Variants in GPR4 observed in about 807,000 individuals in gnomAD.
The protein encoded by GPR4 is G protein-coupled receptor 4, also known as G-prodeshotein coupled receptor 4.
In GPR4, 11 loss-of-function variants were observed where a neutral mutation model predicts 17.8. The ratio of observed to expected loss-of-function variants is 0.62; its 90% CI spans 0.39 to 1.02. The LOEUF (loss-of-function observed/expected upper bound fraction) is 1.02. Among genes scored for constraint, GPR4 ranks in the 50% least tolerant of loss-of-function variants. The pLI, the probability that GPR4 is intolerant of heterozygous loss-of-function variation, is 0.00. For synonymous variants in GPR4, 219 were observed against 222.8 expected (o/e 0.98, Z 0.15); for missense variants, 364 against 495.4 (o/e 0.73, Z 2.52).
At chr19:45,594,947 C>T (rs191518383) in intron 1 of GPR4, among the ~76,000 whole-genome samples, 115 of 151,846 alleles carry the variant, frequency 7.6e-4, no homozygotes, top group African/African-American at 2.5e-3. Context: ...AGCATCACTG[C>T]ACTCCAGCCT....
In GPR4 at chr19:45,591,710, C is replaced by T; in HGVS notation, c.157G>A (p.Gly53Ser). 6.2e-7 allele frequency: 1 copy of T among 1,614,096 alleles called. No individual in the cohort carries two copies. The highest frequency in any genetic ancestry group is 2.2e-5 in the East Asian group (1 of 44,890). ...ATGCTGAGGTTCATCAGGTAGACGC[C>T]CAGCTCGTTGCGCTGTTGCACCTGG... ...YRQVQQRNELGVYLMNLSIAD... is the reference protein window; with the variant it reads ...YRQVQQRNELSVYLMNLSIAD... Residue 53 changes from glycine to serine, a missense_variant, in exon 2 of 2, where the codon GGC (glycine) becomes AGC (serine). Physicochemically the swap from Gly to Ser is moderately conservative, Grantham distance 56. Transcript: ENST00000323040. This position sits in a 1 kb window ranked among gnomAD's most constrained non-coding sequence, Gnocchi z 7.6.
intron 1 of GPR4, among the ~76,000 whole-genome samples, chr19:45,598,597 C>T (rs1036540467): frequency 6.6e-6 from 1 of 152,122 alleles, no homozygotes; most frequent in Non-Finnish European, 1.5e-5. Context: ...TTCTTCCCCA[C>T]GTGAGATCTG....
At position 45,589,897 on chromosome 19, in the gene GPR4, T is replaced by C. The variant is rs75141079; in HGVS notation, c.*881A>G. The C allele has an allele frequency of 0.032, 4,821 of 152,482 alleles. 139 individuals are homozygous for C. Among genetic ancestry groups the C allele is most frequent in the African/African-American group, 0.074 (3,075 of 41,560 alleles). 9.4% of individuals were successfully genotyped at this position (152,482 alleles called of 1,614,324 possible). On this transcript the variant is annotated 3_prime_UTR_variant, in exon 2 of 2. Transcript: ENST00000323040. ...CACAGTGCCCTACATAAACCTCTGT[T>C]GAATGAATGAATAAATACCCTTTCT...
chr19:45,591,245 C>A lies in GPR4; in HGVS notation c.622G>T (p.Val208Leu), dbSNP rs1233334346. 6.2e-6 allele frequency: 10 copies of A among 1,613,158 alleles called. No individual in the cohort carries two copies. Among genetic ancestry groups the A allele is most frequent in the Non-Finnish European group, 8.5e-6 (10 of 1,179,968 alleles). The change falls in exon 2 of 2, where the codon GTG (valine) becomes TTG (leucine). Residue 208 changes from valine to leucine, a missense_variant. Around this residue, in one of 3 missense-constraint regions of GPR4, gnomAD observed 271 missense variants for 373.1 expected, o/e 0.73. Transcript: ENST00000323040. This position sits in a 1 kb window ranked among gnomAD's most constrained non-coding sequence, Gnocchi z 7.6. The stretch of plus-strand genomic sequence containing the variant: ...CGCTCGGTGGACACGCTGCCCCGCA[C>A]GGCCCGCAGGATGCCCCGGTACGAC... Reference protein sequence around the residue: ...LLSYRGILRAVRGSVSTERQE... With the variant: ...LLSYRGILRALRGSVSTERQE...
chr19:45,595,471 G>A (rs1329311780), intron 1 of GPR4, among the ~76,000 whole-genome samples: 1 of 151,938 alleles, frequency 6.6e-6, no homozygotes, highest in Non-Finnish European at 1.5e-5. Flanking sequence ...TGGGGTTAGC[G>A]CCAGCAGTCT....
At chr19:45,599,011 G>T (rs916032713) in intron 1 of GPR4, among the ~76,000 whole-genome samples, 2 of 152,130 alleles carry the variant, frequency 1.3e-5, no homozygotes, top group African/African-American at 4.8e-5. Flanking sequence ...TCTCTGGTTG[G>T]GATCTAAGTT....
intron 1 of GPR4, among the ~76,000 whole-genome samples, chr19:45,595,554 C>G (rs1394752970): frequency 6.6e-6 from 1 of 152,114 alleles, no homozygotes; most frequent in African/African-American, 2.4e-5. Context: ...GAACCTTGAG[C>G]CTGTCACCCA....
rs776163707 is a variant in GPR4, at chr19:45,591,225, G to A, written c.642C>T (p.Thr214=). ...ILRAVRGSVS[T]ERQEKAKIKR... is the part of the protein sequence containing the mutation. Reference sequence around the variant, plus strand: ...TGATCTTGGCCTTCTCCTGGCGCTCGGTGGACACGCTGCCCCGCACGGCCC... The same window carrying A: ...TGATCTTGGCCTTCTCCTGGCGCTCAGTGGACACGCTGCCCCGCACGGCCC... Residue 214 remains threonine, a synonymous_variant, in exon 2 of 2, where the codon ACC becomes ACT. Transcript: ENST00000323040. This position sits in a 1 kb window ranked among gnomAD's most constrained non-coding sequence, Gnocchi z 7.6. 1.2e-6 allele frequency: 2 copies of A among 1,613,432 alleles called. No individual in the cohort carries two copies. The highest frequency in any genetic ancestry group is 1.7e-5 in the Admixed American group (1 of 60,014).
In GPR4 at chr19:45,592,157, T is replaced by A; in HGVS notation, c.-291A>T. 5.6e-6 allele frequency: 2 copies of A among 356,386 alleles called. No homozygotes were observed. The highest frequency in any genetic ancestry group is 1.1e-5 in the Non-Finnish European group (2 of 186,302). 22.1% of individuals were successfully genotyped at this position (356,386 alleles called of 1,614,324 possible). ...AAGGAGGTTATGTATGGAGTCAGTG[T>A]GTCAACGAGGGAGTATGGGGGTGAC... On this transcript the variant is annotated 5_prime_UTR_variant, in exon 2 of 2. Transcript: ENST00000323040.
chr19:45,596,298 C>T (rs1353170192), intron 1 of GPR4, among the ~76,000 whole-genome samples: 4 of 151,672 alleles, frequency 2.6e-5, no homozygotes, highest in African/African-American at 7.3e-5. Context: ...CTCTACCTCC[C>T]GGGTTCAAGT....
chr19:45,595,695 A>G (rs568088082), intron 1 of GPR4, among the ~76,000 whole-genome samples: 3 of 151,540 alleles, frequency 2.0e-5, no homozygotes, highest in Non-Finnish European at 4.4e-5. Flanking sequence ...CATTCCATCC[A>G]GGGGTCTTTT....
intron 1 of GPR4, among the ~76,000 whole-genome samples, chr19:45,594,059 A>ATGT (rs1278298467): frequency 2.3e-5 from 1 of 42,782 alleles, no homozygotes; most frequent in Non-Finnish European, 3.5e-5. Flanking sequence ...AAAAAAAAAA[A>ATGT]AAAAATATAT....
chr19:45,600,847 T>C (rs1356336324), intron 1 of GPR4, among the ~76,000 whole-genome samples: 1 of 152,212 alleles, frequency 6.6e-6, no homozygotes, highest in Non-Finnish European at 1.5e-5. Context: ...GGACCTTTGA[T>C]TGGAAAGATC....
chr19:45,590,586 A>G lies in GPR4; in HGVS notation c.*192T>C. The G allele has an allele frequency of 1.6e-6, 1 of 613,292 alleles. No homozygotes were observed. The highest frequency in any genetic ancestry group is 2.7e-6 in the Non-Finnish European group (1 of 376,508). The allele number at this position is 613,292 out of a possible 1,614,324, so 38.0% of individuals were successfully genotyped here. On this transcript the variant is annotated 3_prime_UTR_variant, in exon 2 of 2. Transcript: ENST00000323040. Reference sequence around the variant, plus strand: ...CTCCTCCTTCAGGAGGCCCTCCACAATCGCCAAACTGTGATGGGATCTGGG... The same window carrying G: ...CTCCTCCTTCAGGAGGCCCTCCACAGTCGCCAAACTGTGATGGGATCTGGG...
chr19:45,590,156 C>G lies in GPR4; in HGVS notation c.*622G>C, dbSNP rs1969974400. 6.6e-6 allele frequency: 1 copy of G among 152,146 alleles called. No homozygotes were observed. Among genetic ancestry groups the G allele is most frequent in the South Asian group, 2.1e-4 (1 of 4,836 alleles). The allele number at this position is 152,146 out of a possible 1,614,324, so 9.4% of individuals were successfully genotyped here. A position where few individuals can be genotyped will look rare whatever the true frequency, so the allele number is the denominator to read the frequency against. On this transcript the variant is annotated 3_prime_UTR_variant, in exon 2 of 2. Transcript: ENST00000323040. ...GCTGCATTTCTCCTTCCACTTTCCC[C>G]CGAGTCACAGACTTTTATCCACTTG...
chr19:45,594,094 A>ATTTTTT, intron 1 of GPR4, among the ~76,000 whole-genome samples: 1 of 112,960 alleles, frequency 8.9e-6, no homozygotes, highest in Non-Finnish European at 1.6e-5. Flanking sequence ...ATATATATAT[A>ATTTTTT]AAATAGATGC....
intron 1 of GPR4, among the ~76,000 whole-genome samples, chr19:45,598,757 G>A (rs1036090336): frequency 1.3e-5 from 2 of 152,208 alleles, no homozygotes; most frequent in Non-Finnish European, 2.9e-5. Context: ...CAGCAGCAAG[G>A]CAGTTGTCTA....
chr19:45,599,161 C>G (rs1003280274), intron 1 of GPR4, among the ~76,000 whole-genome samples: 1 of 152,156 alleles, frequency 6.6e-6, no homozygotes, highest in African/African-American at 2.4e-5. Flanking sequence ...GAAATATACC[C>G]AAGGATGGAG....
At chr19:45,596,891 T>C (rs560358136) in intron 1 of GPR4, among the ~76,000 whole-genome samples, 63 of 152,232 alleles carry the variant, frequency 4.1e-4, no homozygotes, top group African/African-American at 1.5e-3. Context: ...GGCTTCTGAA[T>C]GGACTTGCGG....
Sources: gnomAD v4.1 joint callset for allele counts (sites outside exome capture counted in the v4.1 genomes callset) on GRCh38, gnomAD v4.1.1 for gene constraint, gnomAD v4.1.1 regional missense constraint, Gnocchi (gnomAD v3.1) non-coding constraint, MANE v1.5 for transcripts, NCBI Gene and HGNC (gene_info 2026-07-23, HGNC 2026-07-21) for gene names.